Variants in ZFYVE9 observed in about 807,000 individuals in gnomAD.
The protein encoded by ZFYVE9 is zinc finger FYVE domain-containing protein 9.
In ZFYVE9, 43 loss-of-function variants were observed where a neutral mutation model predicts 126.7. The observed-to-expected ratio is 0.34, with a 90% confidence interval of 0.27 to 0.44. The LOEUF is 0.44. Among genes scored for constraint, ZFYVE9 ranks in the 20% least tolerant of loss-of-function variants. The probability of loss-of-function intolerance (pLI) is 1.00; values close to 1 mark genes in which losing one functional copy is unlikely to be tolerated. For synonymous variants in ZFYVE9, 521 were observed against 597.4 expected (o/e 0.87, Z 1.87); for missense variants, 1,476 against 1,697.0 (o/e 0.87, Z 2.29).
intron 4 of ZFYVE9, among the ~76,000 whole-genome samples, chr1:52,243,940 G>C (rs1408296300): frequency 6.6e-6 from 1 of 152,130 alleles, no homozygotes; most frequent in African/African-American, 2.4e-5. Context: ...AGTTGCCAAG[G>C]AGTGAGCGGA....
At chr1:52,259,499 A>T (rs1297209906) in intron 4 of ZFYVE9, among the ~76,000 whole-genome samples, 6 of 152,060 alleles carry the variant, frequency 3.9e-5, no homozygotes, top group Admixed American at 1.3e-4. Flanking sequence ...AAAAGGAGAG[A>T]AAAGATAGCC....
intron 12 of ZFYVE9, among the ~76,000 whole-genome samples, chr1:52,300,373 C>T (rs529574439): frequency 1.4e-4 from 22 of 151,896 alleles, no homozygotes; most frequent in African/African-American, 4.1e-4. Context: ...AGGCGGATCA[C>T]GATGTCAGGA....
chr1:52,327,945 G>A (rs1646307927), intron 13 of ZFYVE9, among the ~76,000 whole-genome samples: 1 of 151,386 alleles, frequency 6.6e-6, no homozygotes, highest in African/African-American at 2.4e-5. Flanking sequence ...CTGCACTCCA[G>A]CCTGGCCAAC....
At chr1:52,178,534 T>C (rs1644663190) in intron 1 of ZFYVE9, among the ~76,000 whole-genome samples, 1 of 151,938 alleles carries the variant, frequency 6.6e-6, no homozygotes, top group South Asian at 2.1e-4. Context: ...TTTCACCATA[T>C]TAGACAGGCT....
chr1:52,251,661 T>G (rs1024241912), intron 4 of ZFYVE9, among the ~76,000 whole-genome samples: 2 of 152,234 alleles, frequency 1.3e-5, no homozygotes, highest in Non-Finnish European at 2.9e-5. Context: ...TATAGTTTTC[T>G]TATAATATGT....
rs751662672 is a variant in ZFYVE9 at position 52,233,158 on chromosome 1, A to G, written c.-36-13A>G. 4 of 1,273,892 alleles carry G rather than the reference A, an allele frequency of 3.1e-6. No individual in the cohort carries two copies. In the South Asian group the frequency reaches 5.2e-5, roughly 17 times the overall value. 78.9% of individuals were successfully genotyped at this position (1,273,892 alleles called of 1,614,324 possible). On this transcript the variant is annotated splice_polypyrimidine_tract_variant and intron_variant, in intron 2 of 18. Coordinates refer to ENST00000287727, the MANE Select transcript of ZFYVE9 (RefSeq NM_004799.4). The stretch of plus-strand genomic sequence containing the variant: ...TTTAATAATTCAAAATGTAATACGC[A>G]TTTACTTTTTAGGTTTAAACAAGTC...
intron 13 of ZFYVE9, among the ~76,000 whole-genome samples, chr1:52,322,593 G>A (rs1018455611): frequency 6.6e-6 from 1 of 151,808 alleles, no homozygotes; most frequent in African/African-American, 2.4e-5. Context: ...GGCCAGGCTG[G>A]TCTCGAACTC....
intron 1 of ZFYVE9, among the ~76,000 whole-genome samples, chr1:52,172,608 C>T (rs1221108911): frequency 1.3e-5 from 2 of 152,118 alleles, no homozygotes; most frequent in African/African-American, 2.4e-5. Flanking sequence ...GCCATTTTCA[C>T]GGTATTGATT....
chr1:52,285,939 T>G (rs556248091), intron 10 of ZFYVE9, among the ~76,000 whole-genome samples: 2 of 152,172 alleles, frequency 1.3e-5, no homozygotes, highest in Admixed American at 1.3e-4. Flanking sequence ...TGGATCACCT[T>G]AGCTCAGGAG....
chr1:52,176,183 G>A (rs1413211123), intron 1 of ZFYVE9, among the ~76,000 whole-genome samples: 1 of 152,124 alleles, frequency 6.6e-6, no homozygotes, highest in African/African-American at 2.4e-5. Context: ...TGGTGTGGAT[G>A]TCCTTTCTGT....
At chr1:52,330,441 G>A (rs557030077) in intron 13 of ZFYVE9, among the ~76,000 whole-genome samples, 36 of 152,234 alleles carry the variant, frequency 2.4e-4, no homozygotes, top group South Asian at 6.2e-4. Flanking sequence ...GTATAGTTAC[G>A]GTATTTCCTG....
At chr1:52,195,918 G>A (rs955923694) in intron 1 of ZFYVE9, among the ~76,000 whole-genome samples, 3 of 151,790 alleles carry the variant, frequency 2.0e-5, no homozygotes, top group Admixed American at 1.3e-4. Flanking sequence ...TCAGCCTCCC[G>A]AGTAGCCGGG....
intron 4 of ZFYVE9, among the ~76,000 whole-genome samples, chr1:52,262,796 G>C (rs570517814): frequency 6.6e-6 from 1 of 152,300 alleles, no homozygotes; most frequent in South Asian, 2.1e-4. Context: ...ATCTGGCCGG[G>C]TGTGGTGGCT....
rs1232477855 is a variant in ZFYVE9, at chr1:52,185,661, C to T, written c.-142-30708C>T. ...CTTGATGGCCGGGCACGGTGGCTCA[C>T]GCCTGTAATCCCAGCACTTTTGGAG... On this transcript the variant is annotated intron_variant, in intron 1 of 18. Transcript: ENST00000287727. 2.6e-5 allele frequency among the ~76,000 whole-genome samples: 4 copies of T among 152,126 alleles called. No homozygotes were observed. The South Asian group carries it at 8.3e-4, about 32-fold the overall frequency.
intron 1 of ZFYVE9, among the ~76,000 whole-genome samples, chr1:52,194,459 C>T (rs1208034071): frequency 6.6e-6 from 1 of 151,962 alleles, no homozygotes; most frequent in African/African-American, 2.4e-5. Context: ...AGGCAGTTTG[C>T]AGAAAGGCCA....
intron 6 of ZFYVE9, 53 bp from the exon 7 acceptor site, chr1:52,268,410 G>T: frequency 6.4e-7 from 1 of 1,565,648 alleles, no homozygotes; most frequent in South Asian, 1.2e-5. Flanking sequence ...TTTGATGTTA[G>T]AAAACCTTCC....
At chr1:52,196,497 TGTG>T (rs1418782833) in intron 1 of ZFYVE9, among the ~76,000 whole-genome samples, 3 of 151,678 alleles carry the variant, frequency 2.0e-5, no homozygotes, top group African/African-American at 7.3e-5. Context: ...ATTAGCCAGG[TGTG>T]GTGGTGGGTG....
rs1259240829 is a variant in ZFYVE9 at position 52,214,851 on chromosome 1, C to CA, written c.-142-1516dup. Among the ~76,000 whole-genome samples the CA allele has an allele frequency of 2.0e-5, 3 of 152,166 alleles. No individual in the cohort carries two copies. In the East Asian group the frequency reaches 5.8e-4, roughly 29 times the overall value. Reference sequence around the variant, plus strand: ...AGGGCAGAGGATTGATGTCCCAGCTCAACCAATCAGAGAGAATTCCCTCTT... The same window carrying CA: ...AGGGCAGAGGATTGATGTCCCAGCTCAAACCAATCAGAGAGAATTCCCTCTT... On this transcript the variant is annotated intron_variant, in intron 1 of 18. Transcript: ENST00000287727.
intron 1 of ZFYVE9, among the ~76,000 whole-genome samples, chr1:52,205,787 G>C (rs542464623): frequency 2.6e-5 from 4 of 152,276 alleles, no homozygotes; most frequent in African/African-American, 7.2e-5. Context: ...GAAACTGGAA[G>C]TCTATGTATA....
Sources: gnomAD v4.1 joint callset for allele counts (sites outside exome capture counted in the v4.1 genomes callset) on GRCh38, gnomAD v4.1.1 for gene constraint, MANE v1.5 for transcripts, NCBI Gene and HGNC (gene_info 2026-07-23, HGNC 2026-07-21) for gene names.